The following SENP5 variants were observed in gnomAD, a reference collection of about 807,000 sequenced individuals.
The protein encoded by SENP5 is sentrin-specific protease 5.
Under a neutral mutation model 74.2 loss-of-function variants are expected in SENP5, and 21 were observed. The ratio of observed to expected loss-of-function variants is 0.28; its 90% CI spans 0.20 to 0.41. The LOEUF (loss-of-function observed/expected upper bound fraction) is 0.41. SENP5 is among the 10% of genes least tolerant of loss of function. The pLI is 1.00. For synonymous variants in SENP5, 311 were observed against 312.7 expected (o/e 0.99, Z 0.06); for missense variants, 717 against 889.1 (o/e 0.81, Z 2.46).
intron 2 of SENP5, among the ~76,000 whole-genome samples, chr3:196,893,436 T>C (rs977636536): frequency 4.6e-5 from 7 of 152,276 alleles, no homozygotes; most frequent in African/African-American, 1.7e-4. Context: ...ATTTAACTTG[T>C]AGTAGGTGTG....
At position 196,914,586 on chromosome 3, in the gene SENP5, A is replaced by AAAATATAT; in HGVS notation, c.1885-8827_1885-8826insAATATATA. 5.7e-4 allele frequency: 19 copies of AAAATATAT among 33,490 alleles called. 1 individual carries two copies. The highest frequency in any genetic ancestry group is 2.3e-3 in the African/African-American group (13 of 5,590). 2.1% of individuals were successfully genotyped at this position (33,490 alleles called of 1,614,324 possible). On this transcript the variant is annotated intron_variant, in intron 6 of 9. Transcript: ENST00000323460. ...CTTTAAAAAAAAAAAAAAAAAAAAA[A>AAAATATAT]ATATATATATATATATATATATATA... is the stretch of plus-strand genomic sequence containing the variant.
At chr3:196,910,461 C>T (rs1715078264) in intron 6 of SENP5, among the ~76,000 whole-genome samples, 1 of 149,534 alleles carries the variant, frequency 6.7e-6, no homozygotes, top group African/African-American at 2.5e-5. Context: ...ATTCTCCTGC[C>T]TCAGCCTCCC....
chr3:196,873,447 C>T (rs186148908), intron 1 of SENP5, among the ~76,000 whole-genome samples: 2 of 151,988 alleles, frequency 1.3e-5, no homozygotes, highest in East Asian at 1.9e-4. Context: ...TGCTGTTGTT[C>T]GGTGTTCCAT....
At chr3:196,893,004 G>T (rs1159844411) in intron 2 of SENP5, among the ~76,000 whole-genome samples, 1 of 152,160 alleles carries the variant, frequency 6.6e-6, no homozygotes, top group Non-Finnish European at 1.5e-5. Flanking sequence ...TGAGTATGGG[G>T]TGCAGGTACC....
chr3:196,909,959 A>G (rs760015056), intron 6 of SENP5, among the ~76,000 whole-genome samples: 11 of 152,196 alleles, frequency 7.2e-5, no homozygotes, highest in Non-Finnish European at 1.6e-4. Context: ...GAGGAAGTCA[A>G]ATTGTCTCTT....
chr3:196,918,510 A>T (rs981959849), intron 6 of SENP5, among the ~76,000 whole-genome samples: 4 of 151,834 alleles, frequency 2.6e-5, no homozygotes, highest in Non-Finnish European at 5.9e-5. Flanking sequence ...AAAACAAAAA[A>T]TCTACAACAG....
chr3:196,871,956 T>A (rs1191624349), intron 1 of SENP5, among the ~76,000 whole-genome samples: 1 of 152,166 alleles, frequency 6.6e-6, no homozygotes, highest in Non-Finnish European at 1.5e-5. Flanking sequence ...TAGCAAAACA[T>A]TTTGGAAGCT....
chr3:196,884,732 C>T lies in SENP5; in HGVS notation c.-31-419C>T, dbSNP rs1450417366. Among the ~76,000 whole-genome samples, 5 of 140,994 alleles carry T rather than the reference C, an allele frequency of 3.5e-5. 1 individual carries two copies. Among genetic ancestry groups the T allele is most frequent in the South Asian group, 4.5e-4 (2 of 4,472 alleles). 92.5% of individuals were successfully genotyped at this position (140,994 alleles called of 152,430 possible). A position where few individuals can be genotyped will look rare whatever the true frequency, so the allele number is the denominator to read the frequency against. ...TGTCACCCAGGCTGGAGTGCAGTGG[C>T]GCGATTTTTGGCTCAGTGCAACCTC... On this transcript the variant is annotated intron_variant, in intron 1 of 9. Coordinates refer to ENST00000323460, the MANE Select transcript of SENP5 (RefSeq NM_152699.5).
At chr3:196,881,445 A>G (rs1403821649) in intron 1 of SENP5, among the ~76,000 whole-genome samples, 1 of 152,182 alleles carries the variant, frequency 6.6e-6, no homozygotes, top group African/African-American at 2.4e-5. Context: ...TAGTCCTCCT[A>G]ACAAAGTGTG....
Position 196,931,457 on chromosome 3 carries a change from A to G in SENP5, c.*534A>G, listed in dbSNP as rs957875775. ...ACTTCCCTCTCCAAGTGAGTCTTAG[A>G]GAGTGCAGTCCATTCCTTTTGAAGG... On this transcript the variant is annotated 3_prime_UTR_variant, in exon 10 of 10. Transcript: ENST00000323460. 11 of 179,962 alleles carry G rather than the reference A, an allele frequency of 6.1e-5. No individual in the cohort carries two copies. Among genetic ancestry groups the G allele is most frequent in the African/African-American group, 2.2e-4 (9 of 41,644 alleles). The allele number at this position is 179,962 out of a possible 1,614,324, so 11.1% of individuals were successfully genotyped here. A position where few individuals can be genotyped will look rare whatever the true frequency, so the allele number is the denominator to read the frequency against.
intron 2 of SENP5, among the ~76,000 whole-genome samples, chr3:196,895,475 C>T (rs181286224): frequency 5.9e-5 from 9 of 151,700 alleles, no homozygotes; most frequent in Admixed American, 2.0e-4. Context: ...CGTAAGCCAC[C>T]GCGCCCGGCC....
rs753704675 is a variant in SENP5 at position 196,886,683 on chromosome 3, T to A, written c.1502T>A (p.Val501Asp). 30 of 1,556,172 alleles carry A rather than the reference T, an allele frequency of 1.9e-5. No individual in the cohort carries two copies. Among genetic ancestry groups the A allele is most frequent in the Non-Finnish European group, 2.3e-5 (27 of 1,155,052 alleles). Residue 501 changes from valine to aspartate, a missense_variant, in exon 2 of 10, where the codon GTC (valine) becomes GAC (aspartate). Around this residue, in one of 4 missense-constraint regions of SENP5, gnomAD observed 64 missense variants for 100.8 expected, o/e 0.64. Coordinates refer to ENST00000323460, the MANE Select transcript of SENP5 (RefSeq NM_152699.5). ...CCAGTGGATGATGAACAGCTGTCAG[T>A]CTGTCTTTCTGGTATGCACTTTTCC... Reference protein sequence around the residue: ...ASPVDDEQLSVCLSGFLDEVM... With the variant: ...ASPVDDEQLSDCLSGFLDEVM...
chr3:196,900,954 A>G (rs1285377964), intron 5 of SENP5, among the ~76,000 whole-genome samples: 3 of 151,758 alleles, frequency 2.0e-5, no homozygotes, highest in Non-Finnish European at 4.4e-5. Context: ...GTGTTAGGGT[A>G]GGTATGTTTG....
chr3:196,919,049 TATCTG>T (rs1715505847), intron 6 of SENP5, among the ~76,000 whole-genome samples: 1 of 152,106 alleles, frequency 6.6e-6, no homozygotes, highest in African/African-American at 2.4e-5. Context: ...AAGCAAATAT[TATCTG>T]AGCTAAAGAG....
At chr3:196,914,903 C>T (rs1577837769) in intron 6 of SENP5, among the ~76,000 whole-genome samples, 1 of 151,946 alleles carries the variant, frequency 6.6e-6, no homozygotes, top group Non-Finnish European at 1.5e-5. Context: ...TGGCAGTGTG[C>T]GGAGATAGAA....
At chr3:196,914,579 A>AT (rs1283372039) in intron 6 of SENP5, 183 of 96,914 alleles carry the variant, frequency 1.9e-3, no homozygotes, top group Non-Finnish European at 2.5e-3. Flanking sequence ...AAAAAAAAAA[A>AT]AAAAAAAATA....
intron 1 of SENP5, among the ~76,000 whole-genome samples, chr3:196,876,227 A>G (rs1267857934): frequency 1.3e-5 from 2 of 152,206 alleles, no homozygotes; most frequent in Non-Finnish European, 2.9e-5. Flanking sequence ...TTTATTAAAT[A>G]ATTAGGTTCA....
chr3:196,892,204 C>T (rs1714238953), intron 2 of SENP5, among the ~76,000 whole-genome samples: 1 of 152,116 alleles, frequency 6.6e-6, no homozygotes, highest in Non-Finnish European at 1.5e-5. Context: ...AGTGCAGAGG[C>T]GTGATCTCAG....
intron 2 of SENP5, among the ~76,000 whole-genome samples, chr3:196,894,416 C>T (rs1714353834): frequency 6.6e-6 from 1 of 151,904 alleles, no homozygotes; most frequent in Non-Finnish European, 1.5e-5. Flanking sequence ...AGCTACTGCC[C>T]CCGGCCTAAT....
Sources: gnomAD v4.1 joint callset for allele counts (sites outside exome capture counted in the v4.1 genomes callset) on GRCh38, gnomAD v4.1.1 for gene constraint, gnomAD v4.1.1 regional missense constraint, MANE v1.5 for transcripts, NCBI Gene and HGNC (gene_info 2026-07-23, HGNC 2026-07-21) for gene names.